TMTC1: variants seen among roughly 807,000 people sequenced by gnomAD.
TMTC1 encodes the protein transmembrane O-mannosyltransferase targeting cadherins 1.
Under a neutral mutation model 104.8 loss-of-function variants are expected in TMTC1, and 73 were observed. That is an observed-to-expected ratio of 0.70 (90% CI 0.58 to 0.85). The LOEUF (loss-of-function observed/expected upper bound fraction) is 0.85. TMTC1 is among the 40% of genes least tolerant of loss of function. TMTC1 has a pLI of 0.00. For missense variants in TMTC1, 1,035 were observed against 1,096.1 expected (o/e 0.94, Z 0.79); for synonymous variants, 434 against 428.7 (o/e 1.01, Z -0.15).
intron 7 of TMTC1, among the ~76,000 whole-genome samples, chr12:29,584,838 A>G (rs568815817): frequency 1.5e-3 from 228 of 150,000 alleles, no homozygotes; most frequent in African/African-American, 5.3e-3. Context: ...CCAGTCTATC[A>G]TTGTTGGACA....
intron 5 of TMTC1, among the ~76,000 whole-genome samples, chr12:29,643,579 G>A (rs1938995260): frequency 2.9e-5 from 2 of 68,160 alleles, no homozygotes; most frequent in South Asian, 3.8e-4. Flanking sequence ...TATAATATAT[G>A]TCATATATAA....
chr12:29,733,189 G>C (rs1390080572), intron 5 of TMTC1, among the ~76,000 whole-genome samples: 1 of 152,188 alleles, frequency 6.6e-6, no homozygotes, highest in Non-Finnish European at 1.5e-5. Context: ...TCCTATGAGA[G>C]AGATGTTACA....
Position 29,517,482 on chromosome 12 carries a change from A to G in TMTC1, c.2114T>C (p.Ile705Thr). Residue 705 changes from isoleucine (I) to threonine (T), a missense_variant, in exon 14 of 18, where the codon ATT (isoleucine) becomes ACT (threonine). Physicochemically the swap from Ile to Thr is moderately conservative, Grantham distance 89 (BLOSUM62 -1). Coordinates refer to ENST00000539277, the MANE Select transcript of TMTC1 (RefSeq NM_001193451.2). ...NTGRYEEALQ[I>T]YQEAAALQPS... ...CTGAAGTGCTGCAGCTTCCTGGTAA[A>G]TCTGCAAAGCCTCTTCGTATCGGCC... 6.2e-7 allele frequency: 1 copy of G among 1,614,048 alleles called. No individual in the cohort carries two copies. The highest frequency in any genetic ancestry group is 8.5e-7 in the Non-Finnish European group (1 of 1,179,994).
chr12:29,691,789 T>C (rs1941276614), intron 5 of TMTC1, among the ~76,000 whole-genome samples: 1 of 140,608 alleles, frequency 7.1e-6, no homozygotes, highest in Admixed American at 7.4e-5. Context: ...CACAAGTGAG[T>C]GTGCTGTACA....
At chr12:29,521,301 TATGTCTACAGCC>T (rs1256477759) in intron 11 of TMTC1, among the ~76,000 whole-genome samples, 1 of 152,190 alleles carries the variant, frequency 6.6e-6, no homozygotes, top group Non-Finnish European at 1.5e-5. Flanking sequence ...TTACTTGAAG[TATGTCTACAGCC>T]CACCAGACTG....
At chr12:29,750,213 G>T (rs1180252430) in intron 5 of TMTC1, among the ~76,000 whole-genome samples, 1 of 151,716 alleles carries the variant, frequency 6.6e-6, no homozygotes. Context: ...CTCCCAATTT[G>T]CTATGATCCT....
At chr12:29,539,392 C>T (rs1944731520) in intron 10 of TMTC1, among the ~76,000 whole-genome samples, 1 of 152,152 alleles carries the variant, frequency 6.6e-6, no homozygotes, top group African/African-American at 2.4e-5. Flanking sequence ...CCTTGGTTCA[C>T]ACATCTGATT....
chr12:29,583,554 A>G lies in TMTC1; in HGVS notation c.1271T>C (p.Phe424Ser). ...GCAGAGCTTGCTCAGTCCATGCACA[A>G]AAAGGATGCAGTAGCCCATGCTGGA... ...YMPSMGYCILFVHGLSKLCTW... is the reference protein window; with the variant it reads ...YMPSMGYCILSVHGLSKLCTW... Residue 424 changes from phenylalanine to serine, a missense_variant, in exon 8 of 18, where the codon TTT becomes TCT. Physicochemically the swap from Phe to Ser is radical, Grantham distance 155. Transcript: ENST00000539277. The G allele has an allele frequency of 6.2e-7, 1 of 1,613,294 alleles. No individual in the cohort carries two copies. The highest frequency in any genetic ancestry group is 8.5e-7 in the Non-Finnish European group (1 of 1,179,554).
intron 9 of TMTC1, among the ~76,000 whole-genome samples, chr12:29,562,207 C>G (rs533343820): frequency 3.9e-5 from 6 of 152,324 alleles, no homozygotes; most frequent in African/African-American, 1.4e-4. Context: ...TTACCACTTT[C>G]ATCTTGCACC....
intron 1 of TMTC1, among the ~76,000 whole-genome samples, chr12:29,773,296 G>T (rs1943635294): frequency 6.6e-6 from 1 of 152,146 alleles, no homozygotes; most frequent in Non-Finnish European, 1.5e-5. Context: ...TTGTGGGGTG[G>T]AGAGAAAGGG....
rs1388058589 is a variant in TMTC1 at position 29,783,670 on chromosome 12, C to A, written c.82G>T (p.Gly28Trp). ...RRRGCGLAPA[G>W]AAALLAGASC... is the part of the protein sequence containing the mutation. ...GCCCCGGCCAGCAGCGCCGCGGCCC[C>A]GGCCGGCGCTAGCCCGCAGCCCCGC... The change falls in exon 1 of 18, where the codon GGG (glycine) becomes TGG (tryptophan). Residue 28 changes from glycine to tryptophan, a missense_variant. Gly to Trp is a radical substitution (Grantham distance 184). Coordinates refer to ENST00000539277, the MANE Select transcript of TMTC1 (RefSeq NM_001193451.2). The surrounding 1 kb of genome is among the most constrained non-coding windows in gnomAD (Gnocchi z 4.7). The A allele has an allele frequency of 7.5e-7, 1 of 1,330,022 alleles. No homozygotes were observed. The highest frequency in any genetic ancestry group is 9.6e-7 in the Non-Finnish European group (1 of 1,046,050). 82.4% of individuals were successfully genotyped at this position (1,330,022 alleles called of 1,614,324 possible). A position where few individuals can be genotyped will look rare whatever the true frequency, so the allele number is the denominator to read the frequency against.
chr12:29,558,859 T>C (rs1945311137), intron 9 of TMTC1, among the ~76,000 whole-genome samples: 1 of 152,108 alleles, frequency 6.6e-6, no homozygotes, highest in Non-Finnish European at 1.5e-5. Flanking sequence ...GAGGGCAAAA[T>C]ATGTTTCTGT....
At chr12:29,723,548 C>G (rs1942297329) in intron 5 of TMTC1, among the ~76,000 whole-genome samples, 1 of 151,920 alleles carries the variant, frequency 6.6e-6, no homozygotes, top group African/African-American at 2.4e-5. Context: ...TAGTGAGACC[C>G]CATCTGTACT....
At chr12:29,521,041 C>T (rs747733347) in intron 11 of TMTC1, 37 of 186,966 alleles carry the variant, frequency 2.0e-4, no homozygotes, top group Non-Finnish European at 3.2e-4. Context: ...AATAGTTGTT[C>T]GAATAGGATG....
Position 29,783,518 on chromosome 12 carries a change from G to C in TMTC1, c.234C>G (p.Phe78Leu), listed in dbSNP as rs2120708837. 3 of 1,445,874 alleles carry C rather than the reference G, an allele frequency of 2.1e-6. No homozygotes were observed. The highest frequency in any genetic ancestry group is 2.9e-5 in the African/African-American group (2 of 69,004). 89.6% of individuals were successfully genotyped at this position (1,445,874 alleles called of 1,614,324 possible). A position where few individuals can be genotyped will look rare whatever the true frequency, so the allele number is the denominator to read the frequency against. ...TGTTCTCGGCCATGCCCTTGCCCCA[G>C]AAGTCGTTGGTGAAGATGCCCCAGC... ...PLRWGIFTND[F>L]WGKGMAENTS... The change falls in exon 1 of 18, where the codon TTC becomes TTG. Residue 78 changes from phenylalanine (F) to leucine (L), a missense_variant. Phe to Leu is a conservative substitution (Grantham distance 22, BLOSUM62 0). Transcript: ENST00000539277. This position sits in a 1 kb window ranked among gnomAD's most constrained non-coding sequence, Gnocchi z 4.7.
At chr12:29,507,041 A>C in intron 17 of TMTC1, 55 bp from the exon 18 acceptor site, 10 of 1,455,582 alleles carry the variant, frequency 6.9e-6, no homozygotes, top group South Asian at 1.1e-5. Context: ...AAACTCTCTC[A>C]GAGAATGAAG....
At chr12:29,635,912 G>A (rs994485676) in intron 5 of TMTC1, among the ~76,000 whole-genome samples, 2 of 152,182 alleles carry the variant, frequency 1.3e-5, no homozygotes, top group African/African-American at 4.8e-5. Flanking sequence ...ATCAAGCAAA[G>A]CACAGATTTT....
Position 29,783,847 on chromosome 12 carries a change from G to T in TMTC1, c.-96C>A. The T allele has an allele frequency of 9.6e-7, 1 of 1,044,418 alleles. No individual in the cohort carries two copies. Among genetic ancestry groups the T allele is most frequent in the Non-Finnish European group, 1.2e-6 (1 of 864,532 alleles). The allele number at this position is 1,044,418 out of a possible 1,614,324, so 64.7% of individuals were successfully genotyped here. On this transcript the variant is annotated 5_prime_UTR_variant, in exon 1 of 18. Transcript: ENST00000539277. The surrounding 1 kb of genome is among the most constrained non-coding windows in gnomAD (Gnocchi z 4.7). ...CGGCGCGCGGCGTCTGCCCGGAGGG[G>T]GGCTCGGGCATGGTGCTGCGGCAGC...
chr12:29,504,019 G>A lies in TMTC1; in HGVS notation c.*2827C>T, dbSNP rs1355135693. 2 of 152,150 alleles carry A rather than the reference G, an allele frequency of 1.3e-5. No individual in the cohort carries two copies. The highest frequency in any genetic ancestry group is 4.8e-5 in the African/African-American group (2 of 41,380). The allele number at this position is 152,150 out of a possible 1,614,324, so 9.4% of individuals were successfully genotyped here. ...GGATCCCTTCAGCCAGGGAGGTCGA[G>A]GCTACAGTGAGCCATGTTTGTGCCA... On this transcript the variant is annotated 3_prime_UTR_variant, in exon 18 of 18. Coordinates refer to ENST00000539277, the MANE Select transcript of TMTC1 (RefSeq NM_001193451.2).
Sources: allele counts gnomAD v4.1 joint callset (sites outside exome capture counted in the v4.1 genomes callset), GRCh38; gene constraint gnomAD v4.1.1; non-coding constraint Gnocchi (gnomAD v3.1); transcripts MANE v1.5; gene names NCBI Gene and HGNC (gene_info 2026-07-23, HGNC 2026-07-21).